Variants in LSP1 observed in about 807,000 individuals in gnomAD.
LSP1 encodes lymphocyte-specific protein 1.
In LSP1, 32 loss-of-function variants were observed where a neutral mutation model predicts 49.3. The observed-to-expected ratio is 0.65, with a 90% confidence interval of 0.49 to 0.87. The LOEUF (loss-of-function observed/expected upper bound fraction) is 0.87. Ranked by LOEUF, LSP1 falls within the 40% of genes least tolerant of loss-of-function variation. LSP1 has a pLI of 0.00. For synonymous variants in LSP1, 179 were observed against 178.8 expected (o/e 1.00, Z -0.01); for missense variants, 428 against 442.6 (o/e 0.97, Z 0.30).
Position 1,866,528 on chromosome 11 carries a change from A to G in LSP1, c.53+13331A>G, listed in dbSNP as rs756136332. 1.3e-6 allele frequency: 2 copies of G among 1,531,238 alleles called. 1 individual carries two copies. The highest frequency in any genetic ancestry group is 2.4e-5 in the South Asian group (2 of 81,650). The allele number at this position is 1,531,238 out of a possible 1,614,324, so 94.9% of individuals were successfully genotyped here. A position where few individuals can be genotyped will look rare whatever the true frequency, so the allele number is the denominator to read the frequency against. ...GGGTCTCCGGCTGTCACCTGAGTTCAGGACCAGCACCAGGATCTGCAGTGG... is the reference window on the plus strand; with the variant it reads ...GGGTCTCCGGCTGTCACCTGAGTTCGGGACCAGCACCAGGATCTGCAGTGG... On this transcript the variant is annotated intron_variant, in intron 1 of 10. Transcript: ENST00000311604.
chr11:1,857,261 G>C (rs550416840), intron 1 of LSP1, among the ~76,000 whole-genome samples: 1 of 152,282 alleles, frequency 6.6e-6, no homozygotes, highest in East Asian at 1.9e-4. Context: ...TGGTTCCCTC[G>C]TGTCTCCTAA....
chr11:1,882,781 TG>T (rs1848599379), intron 3 of LSP1, among the ~76,000 whole-genome samples: 1 of 152,194 alleles, frequency 6.6e-6, no homozygotes, highest in South Asian at 2.1e-4. Context: ...GGGTCTTGGC[TG>T]GCACGCACAC....
intron 1 of LSP1, chr11:1,868,989 C>T (rs1011023682): frequency 1.1e-4 from 108 of 986,174 alleles, no homozygotes; most frequent in Non-Finnish European, 1.1e-4. Flanking sequence ...TGGCAGAGGT[C>T]GGTGGACTGG....
chr11:1,884,294 C>A lies in LSP1; in HGVS notation c.606C>A (p.Thr202=), dbSNP rs772740590. The part of the protein sequence containing the change: ...LSPTTKLIDR[T]ESLNRSIEKS... ...ACCCTCTGCAGCTCATCGACAGGAC[C>A]GAGTCCCTAAACCGCTCCATAGAGA... The change falls in exon 6 of 11, where the codon ACC becomes ACA. Residue 202 remains threonine, a synonymous_variant. Transcript: ENST00000311604. The surrounding 1 kb of genome is among the most constrained non-coding windows in gnomAD (Gnocchi z 4.1). The A allele has an allele frequency of 5.0e-6, 8 of 1,614,076 alleles. No individual in the cohort carries two copies. Among genetic ancestry groups the A allele is most frequent in the East Asian group, 2.2e-5 (1 of 44,880 alleles).
chr11:1,857,435 G>C (rs1033452954), intron 1 of LSP1, among the ~76,000 whole-genome samples: 2 of 152,218 alleles, frequency 1.3e-5, no homozygotes, highest in African/African-American at 4.8e-5. Context: ...GTGCCAGAGG[G>C]ATGGGTGAGC....
chr11:1,888,067 A>G (rs1589833920), intron 10 of LSP1, among the ~76,000 whole-genome samples: 1 of 152,128 alleles, frequency 6.6e-6, no homozygotes, highest in Non-Finnish European at 1.5e-5. Flanking sequence ...CAGACAGAGC[A>G]GTGCCACTCC....
chr11:1,875,378 G>A (rs1266996103), intron 1 of LSP1, among the ~76,000 whole-genome samples: 2 of 152,216 alleles, frequency 1.3e-5, no homozygotes, highest in East Asian at 1.9e-4. Context: ...GACCCAGCGC[G>A]TGCAGAGAGG....
chr11:1,876,959 G>A (rs568070036), intron 1 of LSP1, among the ~76,000 whole-genome samples: 4 of 152,292 alleles, frequency 2.6e-5, no homozygotes, highest in Non-Finnish European at 4.4e-5. Flanking sequence ...CCCCCCCACC[G>A]CCTGGCCCCT....
At chr11:1,854,210 C>T (rs1847431327) in intron 1 of LSP1, among the ~76,000 whole-genome samples, 1 of 152,076 alleles carries the variant, frequency 6.6e-6, no homozygotes, top group Non-Finnish European at 1.5e-5. Context: ...GGGGCTGTGG[C>T]CTGGTGTGCG....
chr11:1,867,832 C>G (rs569022566), intron 1 of LSP1, among the ~76,000 whole-genome samples: 1 of 151,868 alleles, frequency 6.6e-6, no homozygotes, highest in African/African-American at 2.4e-5. Context: ...CGTCGCCCCC[C>G]ACCCCTGCCC....
intron 1 of LSP1, among the ~76,000 whole-genome samples, chr11:1,877,078 A>C (rs1848341646): frequency 6.6e-6 from 1 of 152,206 alleles, no homozygotes; most frequent in South Asian, 2.1e-4. Flanking sequence ...AGCCAGGGCC[A>C]CGGGCGGGGT....
chr11:1,865,101 G>A, intron 1 of LSP1: 1 of 649,208 alleles, frequency 1.5e-6, no homozygotes, highest in Non-Finnish European at 1.9e-6. Flanking sequence ...GCGGGAGGAG[G>A]GCAGCAGAGA....
chr11:1,858,696 G>C (rs944347162), intron 1 of LSP1, among the ~76,000 whole-genome samples: 5 of 152,054 alleles, frequency 3.3e-5, no homozygotes, highest in African/African-American at 1.2e-4. Flanking sequence ...CCTTCCCCAG[G>C]GTTAGACTCT....
rs113657838 is a variant in LSP1 at position 1,871,325 on chromosome 11, C to T, written c.54-8762C>T. 289 of 986,208 alleles carry T rather than the reference C, an allele frequency of 2.9e-4. No individual in the cohort carries two copies. In the African/African-American group the frequency reaches 4.2e-3, roughly 14 times the overall value. The allele number at this position is 986,208 out of a possible 1,614,324, so 61.1% of individuals were successfully genotyped here. On this transcript the variant is annotated intron_variant, in intron 1 of 10. Coordinates refer to ENST00000311604, the MANE Select transcript of LSP1 (RefSeq NM_002339.3). ...CTAACCTCCGACCCAGGCTGGTCGC[C>T]GCAGATGGGGGCAGAGATGTGAAAC...
chr11:1,889,322 G>A (rs962272200), intron 10 of LSP1: 14 of 708,742 alleles, frequency 2.0e-5, no homozygotes, highest in African/African-American at 3.5e-5. Flanking sequence ...GCTCCCCACC[G>A]CTGGGCCCTG....
chr11:1,865,659 C>T (rs1308223994), intron 1 of LSP1, among the ~76,000 whole-genome samples: 1 of 149,072 alleles, frequency 6.7e-6, no homozygotes, highest in African/African-American at 2.5e-5. Context: ...CACCCGCTCA[C>T]GCCGTCCCAC....
chr11:1,882,934 C>T (rs1848605426), intron 3 of LSP1, among the ~76,000 whole-genome samples: 1 of 152,350 alleles, frequency 6.6e-6, no homozygotes, highest in Non-Finnish European at 1.5e-5. Flanking sequence ...GGCCCTGCTC[C>T]TCAGTGACCT....
chr11:1,856,433 G>A (rs1313553803), intron 1 of LSP1, among the ~76,000 whole-genome samples: 1 of 152,250 alleles, frequency 6.6e-6, no homozygotes, highest in Admixed American at 6.5e-5. Flanking sequence ...CTGCTCCTCT[G>A]CAGACCTTCA....
intron 1 of LSP1, among the ~76,000 whole-genome samples, chr11:1,854,816 T>A (rs1156367060): frequency 2.6e-5 from 4 of 152,214 alleles, no homozygotes; most frequent in African/African-American, 9.6e-5. Context: ...GGTCACCTCA[T>A]GCCCATAGAA....
Sources: gnomAD v4.1 joint callset for allele counts (sites outside exome capture counted in the v4.1 genomes callset) on GRCh38, gnomAD v4.1.1 for gene constraint, Gnocchi (gnomAD v3.1) non-coding constraint, MANE v1.5 for transcripts, NCBI Gene and HGNC (gene_info 2026-07-23, HGNC 2026-07-21) for gene names.